SHISA6: variants seen among roughly 807,000 people sequenced by gnomAD.
The protein encoded by SHISA6 is shisa family member 6.
A neutral mutation model predicts 47.9 loss-of-function variants in SHISA6; 22 were observed. The ratio of observed to expected loss-of-function variants is 0.46; its 90% CI spans 0.33 to 0.66. SHISA6 has a LOEUF of 0.66. Among genes scored for constraint, SHISA6 ranks in the 30% least tolerant of loss-of-function variants. The probability of loss-of-function intolerance (pLI) is 0.02; values close to 1 mark genes in which losing one functional copy is unlikely to be tolerated. For missense variants in SHISA6, 680 were observed against 764.6 expected, an observed-to-expected ratio of 0.89 and a Z score of 1.30; for synonymous variants, 388 against 337.8, an observed-to-expected ratio of 1.15 and a Z score of -1.63.
intron 3 of SHISA6, among the ~76,000 whole-genome samples, chr17:11,506,192 T>C (rs2071497922): frequency 6.6e-6 from 1 of 152,202 alleles, no homozygotes; most frequent in South Asian, 2.1e-4. Flanking sequence ...GAGCATTCTC[T>C]TCCCTCACCC....
chr17:11,347,615 A>G (rs1469107484), intron 2 of SHISA6, among the ~76,000 whole-genome samples: 1 of 152,210 alleles, frequency 6.6e-6, no homozygotes, highest in African/African-American at 2.4e-5. Context: ...GGTCAAATAG[A>G]AAGTCAATTG....
intron 3 of SHISA6, among the ~76,000 whole-genome samples, chr17:11,506,798 A>T (rs141969675): frequency 6.6e-6 from 1 of 152,172 alleles, no homozygotes; most frequent in African/African-American, 2.4e-5. Flanking sequence ...GCCCACTCAC[A>T]CTTCAAGTTT....
At chr17:11,507,053 A>G (rs1403084018) in intron 3 of SHISA6, among the ~76,000 whole-genome samples, 5 of 152,160 alleles carry the variant, frequency 3.3e-5, no homozygotes, top group Non-Finnish European at 5.9e-5. Flanking sequence ...GCCACCCACT[A>G]ACTGCATCTT....
chr17:11,282,724 T>G (rs927311089), intron 2 of SHISA6, among the ~76,000 whole-genome samples: 4 of 152,206 alleles, frequency 2.6e-5, no homozygotes, highest in Non-Finnish European at 5.9e-5. Context: ...GTATTCCATC[T>G]GCTATCACAC....
At position 11,458,983 on chromosome 17, in the gene SHISA6, A is replaced by C. The variant is rs1010105885; in HGVS notation, c.895+79474A>C. 2.0e-5 allele frequency among the ~76,000 whole-genome samples: 3 copies of C among 152,146 alleles called. No homozygotes were observed. In the South Asian group the frequency reaches 6.2e-4, roughly 32 times the overall value. On this transcript the variant is annotated intron_variant, in intron 3 of 5. Transcript: ENST00000441885. ...CACTTTGGGAGGCCGAGGCAGGCGG[A>C]TCATGAGGTCAGGATCAGGAGATCG...
intron 1 of SHISA6, among the ~76,000 whole-genome samples, chr17:11,243,055 C>G (rs1038963531): frequency 2.0e-5 from 3 of 152,046 alleles, no homozygotes; most frequent in East Asian, 3.9e-4. Flanking sequence ...CCGGGAGATG[C>G]CTCCATTTCT....
At chr17:11,476,377 AG>A (rs1176729570) in intron 3 of SHISA6, among the ~76,000 whole-genome samples, 2 of 152,020 alleles carry the variant, frequency 1.3e-5, no homozygotes, top group East Asian at 3.9e-4. Flanking sequence ...GTGGAAACCT[AG>A]ATTACTGATT....
chr17:11,379,511 T>C lies in SHISA6; in HGVS notation c.895+2T>C. On this transcript the variant is annotated splice_donor_variant, in intron 3 of 5. Coordinates refer to ENST00000441885, the MANE Select transcript of SHISA6 (RefSeq NM_207386.4). LOFTEE classifies it high-confidence loss of function. ...CATTAGGAAGAGGACACACCAAGGGTACAGTGGAAACCATTTTTTACTAAA... is the reference window on the plus strand; with the variant it reads ...CATTAGGAAGAGGACACACCAAGGGCACAGTGGAAACCATTTTTTACTAAA... 6.5e-7 allele frequency: 1 copy of C among 1,530,460 alleles called. No homozygotes were observed. The highest frequency in any genetic ancestry group is 8.8e-7 in the Non-Finnish European group (1 of 1,136,576). 94.8% of individuals were successfully genotyped at this position (1,530,460 alleles called of 1,614,324 possible).
intron 3 of SHISA6, among the ~76,000 whole-genome samples, chr17:11,513,419 C>CT (rs1205385358): frequency 6.6e-6 from 1 of 152,108 alleles, no homozygotes; most frequent in Non-Finnish European, 1.5e-5. Flanking sequence ...TATTTATCAC[C>CT]TAAGTGTCAA....
intron 2 of SHISA6, among the ~76,000 whole-genome samples, chr17:11,331,866 A>G (rs205033): frequency 0.055 from 8,293 of 151,612 alleles, 270 homozygotes; most frequent in Middle Eastern, 0.11. Context: ...CCTCCCTCTG[A>G]CCCTCCCAGC....
chr17:11,382,084 A>G (rs1421390347), intron 3 of SHISA6, among the ~76,000 whole-genome samples: 1 of 151,960 alleles, frequency 6.6e-6, no homozygotes, highest in East Asian at 1.9e-4. Context: ...AGAGAGAGAG[A>G]GAGAGGGAGA....
At chr17:11,397,149 T>C (rs1218902794) in intron 3 of SHISA6, among the ~76,000 whole-genome samples, 1 of 152,216 alleles carries the variant, frequency 6.6e-6, no homozygotes, top group Non-Finnish European at 1.5e-5. Context: ...GTTTTTTTCC[T>C]AGTAGTTACC....
intron 3 of SHISA6, among the ~76,000 whole-genome samples, chr17:11,548,096 C>G (rs2071897690): frequency 6.6e-6 from 1 of 152,116 alleles, no homozygotes; most frequent in Non-Finnish European, 1.5e-5. Flanking sequence ...GTTAGCTACG[C>G]AACATTCGGC....
Position 11,519,274 on chromosome 17 carries a change from T to C in SHISA6, c.896-32622T>C, listed in dbSNP as rs539988770. On this transcript the variant is annotated intron_variant, in intron 3 of 5. Transcript: ENST00000441885. Reference sequence around the variant, plus strand: ...TCAGCAGACAAATGGACAAATAAAGTGTGTCCATCTCTACAATGGGATATC... The same window carrying C: ...TCAGCAGACAAATGGACAAATAAAGCGTGTCCATCTCTACAATGGGATATC... 2.0e-5 allele frequency among the ~76,000 whole-genome samples: 3 copies of C among 152,210 alleles called. No individual in the cohort carries two copies. In the South Asian group the frequency reaches 6.2e-4, roughly 32 times the overall value.
chr17:11,553,106 T>G (rs748642849), intron 4 of SHISA6, among the ~76,000 whole-genome samples: 24 of 152,160 alleles, frequency 1.6e-4, no homozygotes, highest in Non-Finnish European at 3.2e-4. Context: ...GGGATGGAGT[T>G]GTCAGTGAGT....
chr17:11,437,933 T>A (rs1278951699), intron 3 of SHISA6, among the ~76,000 whole-genome samples: 1 of 152,160 alleles, frequency 6.6e-6, no homozygotes, highest in Non-Finnish European at 1.5e-5. Context: ...GTGATGATGA[T>A]GTTGGAGATA....
intron 2 of SHISA6, among the ~76,000 whole-genome samples, chr17:11,266,993 T>G (rs898056105): frequency 6.6e-6 from 1 of 152,210 alleles, no homozygotes; most frequent in Non-Finnish European, 1.5e-5. Context: ...GATTGAGAAC[T>G]TACTATGTAT....
chr17:11,370,748 A>T (rs1912608080), intron 2 of SHISA6, among the ~76,000 whole-genome samples: 1 of 152,098 alleles, frequency 6.6e-6, no homozygotes, highest in South Asian at 2.1e-4. Context: ...TGCCTTTGTG[A>T]CCTTGAGAAT....
chr17:11,316,582 G>A (rs1355195838), intron 2 of SHISA6, among the ~76,000 whole-genome samples: 4 of 151,706 alleles, frequency 2.6e-5, no homozygotes, highest in South Asian at 2.1e-4. Context: ...CACCACGCCC[G>A]GCTAATTTTT....
Sources: allele counts gnomAD v4.1 joint callset (sites outside exome capture counted in the v4.1 genomes callset), GRCh38; gene constraint gnomAD v4.1.1; transcripts MANE v1.5; gene names NCBI Gene and HGNC (gene_info 2026-07-23, HGNC 2026-07-21).